Variants in TNR observed in about 807,000 individuals in gnomAD.
The protein encoded by TNR is tenascin R, also known as tenascin-R.
In TNR, 45 loss-of-function variants were observed where a neutral mutation model predicts 150.4. The observed-to-expected ratio is 0.30, with a 90% CI of 0.24 to 0.38. The LOEUF (loss-of-function observed/expected upper bound fraction) is 0.38. TNR is among the 10% of genes least tolerant of loss of function. The pLI, the probability that TNR is intolerant of heterozygous loss-of-function variation, is 1.00. For synonymous variants in TNR, 687 were observed against 678.4 expected (o/e 1.01, Z -0.20); for missense variants, 1,544 against 1,759.1 (o/e 0.88, Z 2.19).
In TNR at chr1:175,430,225, A is replaced by G. The variant is rs150358961; in HGVS notation, c.-63-23448T>C. Among the ~76,000 whole-genome samples the G allele has an allele frequency of 2.0e-3, 303 of 152,284 alleles. 1 individual carries two copies. The highest frequency in any genetic ancestry group is 3.9e-3 in the South Asian group (19 of 4,828). ...AACAAATTCTCAGCCAGCTTTGTTTAGAATTGACTCTGCTTAGAGCCTGAG... is the reference window on the plus strand; with the variant it reads ...AACAAATTCTCAGCCAGCTTTGTTTGGAATTGACTCTGCTTAGAGCCTGAG... On this transcript the variant is annotated intron_variant, in intron 2 of 22. Coordinates refer to ENST00000367674, the MANE Select transcript of TNR (RefSeq NM_003285.3).
intron 18 of TNR, among the ~76,000 whole-genome samples, chr1:175,342,925 A>G (rs1650594436): frequency 6.8e-6 from 1 of 147,324 alleles, no homozygotes; most frequent in Non-Finnish European, 1.5e-5. Context: ...ACCCAATTTC[A>G]TGGCAGATTA....
At chr1:175,430,488 C>T (rs1655214753) in intron 2 of TNR, among the ~76,000 whole-genome samples, 3 of 152,196 alleles carry the variant, frequency 2.0e-5, no homozygotes, top group South Asian at 4.1e-4. Flanking sequence ...ATATTTCCCA[C>T]TACTCTCACT....
At chr1:175,461,719 T>G (rs7547439) in intron 2 of TNR, among the ~76,000 whole-genome samples, 1 of 152,116 alleles carries the variant, frequency 6.6e-6, no homozygotes, top group Non-Finnish European at 1.5e-5. Context: ...TTCTTTTCAA[T>G]GAGACCTTTT....
chr1:175,366,420 G>A (rs538401900), intron 10 of TNR, among the ~76,000 whole-genome samples: 40 of 152,298 alleles, frequency 2.6e-4, no homozygotes, highest in East Asian at 1.9e-4. Context: ...TTTCAAGCTC[G>A]CCATATTCAT....
intron 2 of TNR, among the ~76,000 whole-genome samples, chr1:175,456,735 C>T (rs1656590030): frequency 6.6e-6 from 1 of 152,208 alleles, no homozygotes; most frequent in African/African-American, 2.4e-5. Flanking sequence ...TTTCCCTCCA[C>T]ATCTCTTAGT....
At chr1:175,592,389 T>C (rs1662834943) in intron 1 of TNR, among the ~76,000 whole-genome samples, 1 of 152,244 alleles carries the variant, frequency 6.6e-6, no homozygotes, top group Non-Finnish European at 1.5e-5. Flanking sequence ...ATCTCAGGTT[T>C]GGCAATGCCA....
At chr1:175,645,619 A>G (rs1664789622) in intron 1 of TNR, among the ~76,000 whole-genome samples, 1 of 152,270 alleles carries the variant, frequency 6.6e-6, no homozygotes, top group South Asian at 2.1e-4. Context: ...ATGGCCTTCC[A>G]TAAAAGTCAT....
At chr1:175,698,647 C>T (rs1419894926) in intron 1 of TNR, among the ~76,000 whole-genome samples, 1 of 152,018 alleles carries the variant, frequency 6.6e-6, no homozygotes, top group Admixed American at 6.6e-5. Flanking sequence ...TTGAGACCAG[C>T]CTGGCCAACA....
rs1053828413 is a variant in TNR, at chr1:175,474,161, T to C, written c.-64+54108A>G. Among the ~76,000 whole-genome samples the C allele has an allele frequency of 3.3e-5, 5 of 152,074 alleles. No individual in the cohort carries two copies. The East Asian group carries it at 9.6e-4, about 29-fold the overall frequency. ...TTAGGAGCCAGGTAAGTGGACACAA[T>C]GGGGAGAAGACACCAGTTATGGGCT... On this transcript the variant is annotated intron_variant, in intron 2 of 22. Transcript: ENST00000367674.
chr1:175,576,024 T>C (rs1025057141), intron 1 of TNR, among the ~76,000 whole-genome samples: 1 of 152,174 alleles, frequency 6.6e-6, no homozygotes, highest in East Asian at 1.9e-4. Context: ...GCAGCTATTT[T>C]TTCCCCTCAT....
Position 175,689,536 on chromosome 1 carries a change from C to A in TNR, c.-165+53690G>T, listed in dbSNP as rs1025420323. ...GCCAGGCTGCCAGCTCCCTTGAATGCGTGTCTTCCTGGGGTGATAGAGAAT... is the reference window on the plus strand; with the variant it reads ...GCCAGGCTGCCAGCTCCCTTGAATGAGTGTCTTCCTGGGGTGATAGAGAAT... On this transcript the variant is annotated intron_variant, in intron 1 of 22. Transcript: ENST00000367674. Among the ~76,000 whole-genome samples, 15 of 152,122 alleles carry A rather than the reference C, an allele frequency of 9.9e-5. 1 individual carries two copies. The highest frequency in any genetic ancestry group is 9.8e-4 in the Admixed American group (15 of 15,278).
intron 1 of TNR, among the ~76,000 whole-genome samples, chr1:175,654,766 G>A (rs911363477): frequency 4.3e-5 from 5 of 115,330 alleles, no homozygotes; most frequent in Admixed American, 2.6e-4. Context: ...TCGCTCTGCC[G>A]CCCAGGCAGT....
chr1:175,619,406 A>G (rs1663889015), intron 1 of TNR, among the ~76,000 whole-genome samples: 1 of 152,206 alleles, frequency 6.6e-6, no homozygotes, highest in Non-Finnish European at 1.5e-5. Context: ...ACATTATGGA[A>G]CCATTTCAAT....
chr1:175,650,720 ACCCCTCCCCG>A (rs1571713709), intron 1 of TNR, among the ~76,000 whole-genome samples: 79 of 2,436 alleles, frequency 0.032, 5 homozygotes, highest in Middle Eastern at 1. Flanking sequence ...CCCTCCCCCT[ACCCCTCCCCG>A]CCTCATTACT....
intron 21 of TNR, among the ~76,000 whole-genome samples, chr1:175,327,247 TC>T (rs1649453165): frequency 6.6e-6 from 1 of 152,092 alleles, no homozygotes; most frequent in African/African-American, 2.4e-5. Context: ...GGTCTTTACA[TC>T]CTCCCAAAGC....
intron 1 of TNR, among the ~76,000 whole-genome samples, chr1:175,532,655 C>G (rs1200872687): frequency 6.6e-6 from 1 of 152,082 alleles, no homozygotes; most frequent in African/African-American, 2.4e-5. Flanking sequence ...AATTCAGAAG[C>G]AGTTTATCTG....
chr1:175,494,673 C>T (rs549709488), intron 2 of TNR, among the ~76,000 whole-genome samples: 7 of 152,282 alleles, frequency 4.6e-5, no homozygotes, highest in East Asian at 1.9e-4. Context: ...CTAACAAGCC[C>T]GGTGGCTCCT....
chr1:175,678,368 C>T (rs11806277), intron 1 of TNR, among the ~76,000 whole-genome samples: 5,244 of 152,302 alleles, frequency 0.034, 131 homozygotes, highest in Non-Finnish European at 0.054. Flanking sequence ...CTCCAGAGGA[C>T]GGCCCTGGCA....
At chr1:175,699,277 A>T (rs1666617401) in intron 1 of TNR, among the ~76,000 whole-genome samples, 1 of 152,196 alleles carries the variant, frequency 6.6e-6, no homozygotes, top group African/African-American at 2.4e-5. Context: ...TTGTTTGAGG[A>T]AAGAGAAAGT....
Sources: allele counts gnomAD v4.1 joint callset (sites outside exome capture counted in the v4.1 genomes callset), GRCh38; gene constraint gnomAD v4.1.1; transcripts MANE v1.5; gene names NCBI Gene and HGNC (gene_info 2026-07-23, HGNC 2026-07-21).